Variants in PTPRT observed in about 807,000 individuals in gnomAD.
PTPRT encodes receptor-type tyrosine-protein phosphatase T.
PTPRT carries 56 observed loss-of-function variants against 176.8 expected under a neutral mutation model. The ratio of observed to expected loss-of-function variants is 0.32; its 90% CI spans 0.26 to 0.40. PTPRT has a LOEUF of 0.40. Among genes scored for constraint, PTPRT ranks in the 10% least tolerant of loss-of-function variants. The pLI is 1.00. For synonymous variants in PTPRT, 783 were observed against 739.0 expected (o/e 1.06, Z -0.96); for missense variants, 1,540 against 1,908.2 (o/e 0.81, Z 3.60).
chr20:42,489,719 C>G (rs1317092675), intron 7 of PTPRT, among the ~76,000 whole-genome samples: 1 of 152,188 alleles, frequency 6.6e-6, no homozygotes, highest in East Asian at 1.9e-4. Flanking sequence ...AACTGCATAT[C>G]AAATCTGTTG....
chr20:42,415,688 C>T (rs1339320010), intron 9 of PTPRT, among the ~76,000 whole-genome samples: 2 of 152,156 alleles, frequency 1.3e-5, no homozygotes, highest in African/African-American at 2.4e-5. Flanking sequence ...AGCATACATA[C>T]CTGCATACAT....
chr20:42,669,023 T>C (rs1022648538), intron 7 of PTPRT, among the ~76,000 whole-genome samples: 8 of 152,106 alleles, frequency 5.3e-5, no homozygotes, highest in East Asian at 1.9e-4. Context: ...ATAATTCTTA[T>C]GGCGTCTCAA....
chr20:42,655,345 G>T (rs2075106130), intron 7 of PTPRT, among the ~76,000 whole-genome samples: 1 of 152,042 alleles, frequency 6.6e-6, no homozygotes, highest in Non-Finnish European at 1.5e-5. Flanking sequence ...ACAAAAACTG[G>T]CCGGGCATGG....
intron 15 of PTPRT, among the ~76,000 whole-genome samples, chr20:42,207,170 G>A (rs2055493049): frequency 6.6e-6 from 1 of 152,064 alleles, no homozygotes; most frequent in Non-Finnish European, 1.5e-5. Context: ...ACCAAAAGTA[G>A]ATAAAACCAC....
chr20:42,975,404 G>A (rs1209184786), intron 1 of PTPRT, among the ~76,000 whole-genome samples: 1 of 151,816 alleles, frequency 6.6e-6, no homozygotes, highest in East Asian at 1.9e-4. Context: ...ATTATCTTTG[G>A]GTAGTCAAAA....
chr20:42,473,938 C>G (rs1028919628), intron 7 of PTPRT, among the ~76,000 whole-genome samples: 27 of 152,114 alleles, frequency 1.8e-4, no homozygotes, highest in African/African-American at 6.0e-4. Flanking sequence ...ATTATGTATC[C>G]TCTTTGGATC....
At chr20:42,318,509 G>C (rs1689911014) in intron 11 of PTPRT, among the ~76,000 whole-genome samples, 2 of 152,162 alleles carry the variant, frequency 1.3e-5, no homozygotes, top group African/African-American at 2.4e-5. Flanking sequence ...ACACAAAAGA[G>C]CTTCATGAAG....
intron 7 of PTPRT, among the ~76,000 whole-genome samples, chr20:42,641,828 A>C (rs1360232606): frequency 6.6e-6 from 1 of 152,124 alleles, no homozygotes; most frequent in East Asian, 1.9e-4. Flanking sequence ...CCTGGTGTCG[A>C]CAGAGGGAGC....
At chr20:43,085,812 C>G (rs146739812) in intron 1 of PTPRT, among the ~76,000 whole-genome samples, 43 of 152,236 alleles carry the variant, frequency 2.8e-4, no homozygotes, top group Non-Finnish European at 5.9e-4. Context: ...GGGAATACAG[C>G]CAAACCATAT....
intron 7 of PTPRT, among the ~76,000 whole-genome samples, chr20:42,645,744 T>C (rs2074877381): frequency 6.8e-6 from 1 of 147,436 alleles, no homozygotes; most frequent in South Asian, 2.1e-4. Flanking sequence ...ATATGTATGT[T>C]TCAGATGGGA....
At chr20:42,951,521 C>A (rs1981250913) in intron 1 of PTPRT, among the ~76,000 whole-genome samples, 1 of 152,142 alleles carries the variant, frequency 6.6e-6, no homozygotes, top group South Asian at 2.1e-4. Flanking sequence ...CTACCATGTA[C>A]CAGGCAAGAT....
At chr20:43,102,501 G>A (rs1460649604) in intron 1 of PTPRT, among the ~76,000 whole-genome samples, 1 of 152,312 alleles carries the variant, frequency 6.6e-6, no homozygotes, top group East Asian at 1.9e-4. Flanking sequence ...CAGAGAGAGA[G>A]AACAGAGTAT....
intron 1 of PTPRT, among the ~76,000 whole-genome samples, chr20:42,898,411 G>A (rs892611475): frequency 8.5e-5 from 13 of 152,086 alleles, no homozygotes; most frequent in Non-Finnish European, 1.9e-4. Flanking sequence ...TTCTTCCTAT[G>A]TGCTCAGGCT....
At chr20:42,101,179 CCT>C (rs1985900998) in intron 26 of PTPRT, among the ~76,000 whole-genome samples, 1 of 152,166 alleles carries the variant, frequency 6.6e-6, no homozygotes, top group Non-Finnish European at 1.5e-5. Flanking sequence ...TGGTTTTGAG[CCT>C]CAGGAGGTGA....
chr20:42,634,022 AATAT>A (rs1408398599), intron 7 of PTPRT, among the ~76,000 whole-genome samples: 1 of 29,586 alleles, frequency 3.4e-5, no homozygotes, highest in Non-Finnish European at 5.8e-5. Context: ...ATATATATAT[AATAT>A]ATATATTATA....
intron 7 of PTPRT, among the ~76,000 whole-genome samples, chr20:42,483,521 T>G (rs1204674519): frequency 6.6e-6 from 1 of 152,170 alleles, no homozygotes; most frequent in Non-Finnish European, 1.5e-5. Flanking sequence ...AAGCTGTCAC[T>G]CAAAAGCTTC....
chr20:42,692,248 G>A (rs1299208438), intron 6 of PTPRT, among the ~76,000 whole-genome samples: 3 of 152,184 alleles, frequency 2.0e-5, no homozygotes, highest in Non-Finnish European at 4.4e-5. Context: ...GATATCACAT[G>A]AAACTTTTAG....
intron 7 of PTPRT, among the ~76,000 whole-genome samples, chr20:42,561,458 A>C (rs1440494709): frequency 6.6e-6 from 1 of 152,210 alleles, no homozygotes; most frequent in East Asian, 1.9e-4. Context: ...TGCCCCATGC[A>C]AGCCTTGGGG....
intron 16 of PTPRT, among the ~76,000 whole-genome samples, chr20:42,179,099 GT>G (rs1268831119): frequency 2.0e-5 from 3 of 152,192 alleles, no homozygotes; most frequent in African/African-American, 7.2e-5. Flanking sequence ...CCATCTTAAA[GT>G]TTGCCAACCA....
Sources: allele counts gnomAD v4.1 joint callset (sites outside exome capture counted in the v4.1 genomes callset), GRCh38; gene constraint gnomAD v4.1.1; transcripts MANE v1.5; gene names NCBI Gene and HGNC (gene_info 2026-07-23, HGNC 2026-07-21).